CACNA2D4: variants seen among roughly 807,000 people sequenced by gnomAD.
CACNA2D4 encodes calcium voltage-gated channel auxiliary subunit alpha2delta 4.
A neutral mutation model predicts 163.8 loss-of-function variants in CACNA2D4; 157 were observed. The observed-to-expected ratio is 0.96, with a 90% CI of 0.84 to 1.09. CACNA2D4 has a LOEUF of 1.09. Ranked by LOEUF, CACNA2D4 falls within the 50% of genes least tolerant of loss-of-function variation. The probability of loss-of-function intolerance (pLI) is 0.00; values close to 1 mark genes in which losing one functional copy is unlikely to be tolerated. For synonymous variants in CACNA2D4, 598 were observed against 586.9 expected (o/e 1.02, Z -0.27); for missense variants, 1,410 against 1,479.9 (o/e 0.95, Z 0.78).
At position 1,829,753 on chromosome 12, in the gene CACNA2D4, G is replaced by A. The variant is rs2154447022; in HGVS notation, c.2551+10986C>T. ...CCATGTCAGGGTGGGCCGATGGGCT[G>A]TGAGCTGGGTCTGAACTTCTCCATC... On this transcript the variant is annotated intron_variant, in intron 26 of 37. Coordinates refer to ENST00000382722, the MANE Select transcript of CACNA2D4 (RefSeq NM_172364.5). The surrounding 1 kb of genome is among the most constrained non-coding windows in gnomAD (Gnocchi z 4.2). 6.7e-6 allele frequency among the ~76,000 whole-genome samples: 1 copy of A among 150,122 alleles called. No individual in the cohort carries two copies. The highest frequency in any genetic ancestry group is 2.1e-4 in the South Asian group (1 of 4,716).
chr12:1,809,823 C>G (rs1211098259), intron 29 of CACNA2D4, among the ~76,000 whole-genome samples: 1 of 152,166 alleles, frequency 6.6e-6, no homozygotes, highest in Non-Finnish European at 1.5e-5. Flanking sequence ...AAGGTCCAGA[C>G]AGGACAAGAA....
chr12:1,873,120 A>C (rs1865818582), intron 18 of CACNA2D4, among the ~76,000 whole-genome samples: 1 of 152,162 alleles, frequency 6.6e-6, no homozygotes, highest in Non-Finnish European at 1.5e-5. Context: ...TCAATGAGTG[A>C]ATACTTGACA....
chr12:1,903,769 T>C (rs1866592374), intron 6 of CACNA2D4, among the ~76,000 whole-genome samples: 1 of 152,068 alleles, frequency 6.6e-6, no homozygotes, highest in South Asian at 2.1e-4. Flanking sequence ...ACACTGTTGA[T>C]AATAATGTAA....
At chr12:1,813,972 C>G (rs533333389) in intron 26 of CACNA2D4, among the ~76,000 whole-genome samples, 37 of 152,140 alleles carry the variant, frequency 2.4e-4, no homozygotes, top group African/African-American at 8.5e-4. Flanking sequence ...CTTATAAGAC[C>G]ACCCTAGACA....
In CACNA2D4 at chr12:1,817,531, C is replaced by T. The variant is rs569075291; in HGVS notation, c.2552-5808G>A. Among the ~76,000 whole-genome samples, 9 of 152,312 alleles carry T rather than the reference C, an allele frequency of 5.9e-5. No homozygotes were observed. In the East Asian group the frequency reaches 1.4e-3, roughly 23 times the overall value. Reference sequence around the variant, plus strand: ...TCTTTCCCCGGTCTCCCTCTGATGCCGAGCCGAAGCTGGACTGTACTGCTG... The same window carrying T: ...TCTTTCCCCGGTCTCCCTCTGATGCTGAGCCGAAGCTGGACTGTACTGCTG... On this transcript the variant is annotated intron_variant, in intron 26 of 37. Coordinates refer to ENST00000382722, the MANE Select transcript of CACNA2D4 (RefSeq NM_172364.5).
intron 35 of CACNA2D4, 112 bp downstream of exon 35, chr12:1,797,306 C>T (rs1024230231): frequency 1.6e-5 from 13 of 792,740 alleles, no homozygotes; most frequent in Non-Finnish European, 2.7e-5. Context: ...CGCATCCCCT[C>T]CTCCCGGCTG....
chr12:1,823,547 C>T (rs970144170), intron 26 of CACNA2D4, among the ~76,000 whole-genome samples: 1 of 152,034 alleles, frequency 6.6e-6, no homozygotes, highest in Non-Finnish European at 1.5e-5. Context: ...ACTGGGGCCT[C>T]CTGCTCCCCC....
At chr12:1,885,842 G>A in intron 9 of CACNA2D4, 123 bp downstream of exon 9, 1 of 709,120 alleles carries the variant, frequency 1.4e-6, no homozygotes. Flanking sequence ...AACGTGCTCT[G>A]CTCTCATTCC....
chr12:1,873,182 G>T (rs1031280639), intron 18 of CACNA2D4, among the ~76,000 whole-genome samples: 2 of 152,132 alleles, frequency 1.3e-5, no homozygotes, highest in African/African-American at 4.8e-5. Context: ...ATTATTAGCT[G>T]TACTAATAGT....
chr12:1,833,279 C>T lies in CACNA2D4; in HGVS notation c.2551+7460G>A, dbSNP rs74786746. Among the ~76,000 whole-genome samples, 17,850 of 152,170 alleles carry T rather than the reference C, an allele frequency of 0.12. 1,403 individuals carry two copies. Among genetic ancestry groups the T allele is most frequent in the Non-Finnish European group, 0.17 (11,513 of 67,990 alleles). The stretch of plus-strand genomic sequence containing the variant: ...GCTGCCAGTGACGGAGTGGCTGCAG[C>T]CCGCATCTTTTCGGCAGGGGGTCTA... On this transcript the variant is annotated intron_variant, in intron 26 of 37. Transcript: ENST00000382722. The surrounding 1 kb of genome is among the most constrained non-coding windows in gnomAD (Gnocchi z 4.2).
intron 2 of CACNA2D4, 98 bp downstream of exon 2, chr12:1,914,756 T>C: frequency 2.6e-6 from 2 of 776,500 alleles, no homozygotes; most frequent in East Asian, 2.5e-5. Flanking sequence ...ACCGATTTGA[T>C]GGGATGCCCA....
intron 34 of CACNA2D4, 128 bp from the exon 35 acceptor site, chr12:1,797,663 A>T: frequency 4.4e-6 from 3 of 686,916 alleles, no homozygotes; most frequent in Non-Finnish European, 7.6e-6. Context: ...GGCAGTTCTC[A>T]GGACACGCGT....
intron 4 of CACNA2D4, 61 bp from the exon 5 acceptor site, chr12:1,908,098 G>C: frequency 6.5e-7 from 1 of 1,537,536 alleles, no homozygotes; most frequent in South Asian, 1.2e-5. Context: ...CGGAGAGAGA[G>C]GAAGAGAAAC....
chr12:1,814,912 CAG>C (rs1863827270), intron 26 of CACNA2D4, among the ~76,000 whole-genome samples: 1 of 152,296 alleles, frequency 6.6e-6, no homozygotes, highest in East Asian at 1.9e-4. Context: ...GTTTTTGAGA[CAG>C]AGTCTCACTC....
At chr12:1,870,754 G>T (rs1000827904) in intron 18 of CACNA2D4, among the ~76,000 whole-genome samples, 1 of 152,058 alleles carries the variant, frequency 6.6e-6, no homozygotes, top group Non-Finnish European at 1.5e-5. Context: ...GAAGGGGTGT[G>T]GGGGGTTGGG....
intron 26 of CACNA2D4, among the ~76,000 whole-genome samples, chr12:1,816,213 T>C (rs1471813081): frequency 6.6e-6 from 1 of 152,138 alleles, no homozygotes; most frequent in Non-Finnish European, 1.5e-5. Flanking sequence ...GACAACACCT[T>C]ATGATATTAT....
chr12:1,818,364 T>C (rs1360498444), intron 26 of CACNA2D4, among the ~76,000 whole-genome samples: 1 of 151,844 alleles, frequency 6.6e-6, no homozygotes, highest in Non-Finnish European at 1.5e-5. Flanking sequence ...AGAAATCGGA[T>C]GGTTGCCGTG....
At chr12:1,817,726 T>C (rs1863925140) in intron 26 of CACNA2D4, among the ~76,000 whole-genome samples, 1 of 152,164 alleles carries the variant, frequency 6.6e-6, no homozygotes, top group African/African-American at 2.4e-5. Context: ...CCGCGAGTGA[T>C]CCGCCAGCCT....
Position 1,804,888 on chromosome 12 carries a change from ACTTCT to A in CACNA2D4, c.2722-3249_2722-3245del, listed in dbSNP as rs1286095813. On this transcript the variant is annotated intron_variant, in intron 29 of 37. Coordinates refer to ENST00000382722, the MANE Select transcript of CACNA2D4 (RefSeq NM_172364.5). The stretch of plus-strand genomic sequence containing the variant: ...GAATAAACCTTTAGTTGTTTAAGCC[ACTTCT>A]CTTCTGGCAGCAGAACACAATTCCT... Among the ~76,000 whole-genome samples the A allele has an allele frequency of 3.3e-5, 5 of 152,352 alleles. No homozygotes were observed. In the South Asian group the frequency reaches 8.3e-4, roughly 25 times the overall value.
Sources: allele counts gnomAD v4.1 joint callset (sites outside exome capture counted in the v4.1 genomes callset), GRCh38; gene constraint gnomAD v4.1.1; non-coding constraint Gnocchi (gnomAD v3.1); transcripts MANE v1.5; gene names NCBI Gene and HGNC (gene_info 2026-07-23, HGNC 2026-07-21).